The following MGAT4A variants were observed in gnomAD, a reference collection of about 807,000 sequenced individuals.
MGAT4A encodes the protein alpha-1,3-mannosyl-glycoprotein 4-beta-N-acetylglucosaminyltransferase A.
A neutral mutation model predicts 74.1 loss-of-function variants in MGAT4A; 33 were observed. That is an observed-to-expected ratio of 0.45 (90% CI 0.34 to 0.60). The LOEUF (loss-of-function observed/expected upper bound fraction) is 0.60, where lower values mean the gene tolerates loss of function less well. Among genes scored for constraint, MGAT4A ranks in the 20% least tolerant of loss-of-function variants. The pLI, the probability that MGAT4A is intolerant of heterozygous loss-of-function variation, is 0.02. For missense variants in MGAT4A, 479 were observed against 628.3 expected, an observed-to-expected ratio of 0.76 and a Z score of 2.54; for synonymous variants, 198 against 210.4, an observed-to-expected ratio of 0.94 and a Z score of 0.51.
chr2:98,660,332 C>A (rs1195834736), intron 5 of MGAT4A, among the ~76,000 whole-genome samples: 1 of 148,294 alleles, frequency 6.7e-6, no homozygotes. Context: ...TAATCCCTAT[C>A]AAAAAATTTA....
In MGAT4A at chr2:98,620,426, T is replaced by C. The variant is rs1370358004; in HGVS notation, c.*5140A>G. The C allele has an allele frequency of 1.3e-5, 2 of 152,246 alleles. No homozygotes were observed. Among genetic ancestry groups the C allele is most frequent in the Non-Finnish European group, 2.9e-5 (2 of 68,038 alleles). 9.4% of individuals were successfully genotyped at this position (152,246 alleles called of 1,614,324 possible). A position where few individuals can be genotyped will look rare whatever the true frequency, so the allele number is the denominator to read the frequency against. On this transcript the variant is annotated 3_prime_UTR_variant, in exon 16 of 16. Transcript: ENST00000393487. The stretch of plus-strand genomic sequence containing the variant: ...ACTCACATTTCTCATCTTCTGACAG[T>C]CTTAACCTCTCATTTTCTCTCTTTT...
intron 2 of MGAT4A, among the ~76,000 whole-genome samples, chr2:98,696,395 C>G (rs1410386452): frequency 6.6e-6 from 1 of 152,218 alleles, no homozygotes; most frequent in Non-Finnish European, 1.5e-5. Flanking sequence ...TGGCAACAGG[C>G]AGTTTTCCTA....
chr2:98,666,057 T>C (rs140792283), intron 4 of MGAT4A, among the ~76,000 whole-genome samples: 347 of 152,310 alleles, frequency 2.3e-3, no homozygotes, highest in African/African-American at 7.8e-3. Context: ...TTTTAAGAGA[T>C]TACCAAATTT....
chr2:98,641,331 G>T (rs1701405268), intron 10 of MGAT4A, among the ~76,000 whole-genome samples: 1 of 151,754 alleles, frequency 6.6e-6, no homozygotes, highest in South Asian at 2.1e-4. Flanking sequence ...GACCAGCCTG[G>T]CCAACGTGGT....
chr2:98,726,222 C>A lies in MGAT4A; in HGVS notation c.94+17G>T. The A allele has an allele frequency of 6.2e-7, 1 of 1,603,738 alleles. No individual in the cohort carries two copies. The highest frequency in any genetic ancestry group is 8.5e-7 in the Non-Finnish European group (1 of 1,171,492). On this transcript the variant is annotated intron_variant, in intron 2 of 15. Transcript: ENST00000393487. ...CCTAGTACATTTCATGCACATTTTC[C>A]GAGTCATTTTCCTTACCTTTCCCAT... is the stretch of plus-strand genomic sequence containing the variant.
At chr2:98,674,700 C>A (rs1175658230) in intron 4 of MGAT4A, among the ~76,000 whole-genome samples, 1 of 152,116 alleles carries the variant, frequency 6.6e-6, no homozygotes, top group Non-Finnish European at 1.5e-5. Flanking sequence ...TATGACATGA[C>A]CAAAAGAGCT....
At chr2:98,710,699 C>T (rs1285306824) in intron 2 of MGAT4A, among the ~76,000 whole-genome samples, 1 of 152,138 alleles carries the variant, frequency 6.6e-6, no homozygotes, top group Non-Finnish European at 1.5e-5. Flanking sequence ...TAGTCTTGAC[C>T]TCCGGAACTC....
In MGAT4A at chr2:98,675,032, T is replaced by G. The variant is rs376161399; in HGVS notation, c.403+3A>C. On this transcript the variant is annotated splice_donor_region_variant and intron_variant, in intron 4 of 15. Coordinates refer to ENST00000393487, the MANE Select transcript of MGAT4A (RefSeq NM_012214.3). ...ACTGCAGTAAGAAACAAAATAAACA[T>G]ACCTCCTGTTCTTCCGTTGCCAATC... 1.2e-6 allele frequency: 2 copies of G among 1,608,422 alleles called. No homozygotes were observed. The highest frequency in any genetic ancestry group is 1.7e-6 in the Non-Finnish European group (2 of 1,178,612).
intron 2 of MGAT4A, among the ~76,000 whole-genome samples, chr2:98,715,858 A>G (rs1283071512): frequency 6.6e-6 from 1 of 152,250 alleles, no homozygotes; most frequent in African/African-American, 2.4e-5. Context: ...AAGTATGATA[A>G]GAAACAGGAT....
chr2:98,681,508 C>G (rs1702059373), intron 2 of MGAT4A, among the ~76,000 whole-genome samples: 1 of 152,090 alleles, frequency 6.6e-6, no homozygotes, highest in Non-Finnish European at 1.5e-5. Context: ...AAGGGCAGAT[C>G]AGCATAAACA....
In MGAT4A at chr2:98,619,889, T is replaced by A. The variant is rs1379051017; in HGVS notation, c.*5677A>T. ...AAACAATCTTCATTTCAGAACAATT[T>A]TAGCACCACTTTTTTTTTTCCACAA... On this transcript the variant is annotated 3_prime_UTR_variant, in exon 16 of 16. Coordinates refer to ENST00000393487, the MANE Select transcript of MGAT4A (RefSeq NM_012214.3). 1.3e-5 allele frequency: 2 copies of A among 152,198 alleles called. No individual in the cohort carries two copies. 9.4% of individuals were successfully genotyped at this position (152,198 alleles called of 1,614,324 possible). A position where few individuals can be genotyped will look rare whatever the true frequency, so the allele number is the denominator to read the frequency against.
chr2:98,630,022 G>A (rs973474999), intron 14 of MGAT4A, among the ~76,000 whole-genome samples: 1 of 152,100 alleles, frequency 6.6e-6, no homozygotes, highest in Non-Finnish European at 1.5e-5. Flanking sequence ...CTCTACCCTG[G>A]GCGACAGAGC....
intron 2 of MGAT4A, among the ~76,000 whole-genome samples, chr2:98,714,731 G>A (rs1446755460): frequency 6.6e-6 from 1 of 152,088 alleles, no homozygotes; most frequent in Non-Finnish European, 1.5e-5. Context: ...AGGAAAAAAT[G>A]GCTCTAAAAA....
intron 4 of MGAT4A, among the ~76,000 whole-genome samples, chr2:98,668,272 A>T (rs1199586554): frequency 6.6e-6 from 1 of 152,194 alleles, no homozygotes; most frequent in Non-Finnish European, 1.5e-5. Context: ...GGCTGGGCCC[A>T]GGGTCCCTCT....
At chr2:98,630,015 T>C (rs1701205380) in intron 14 of MGAT4A, among the ~76,000 whole-genome samples, 2 of 152,176 alleles carry the variant, frequency 1.3e-5, no homozygotes, top group African/African-American at 4.8e-5. Flanking sequence ...CACTGCACTC[T>C]ACCCTGGGCG....
At chr2:98,644,485 CT>C in intron 9 of MGAT4A, among the ~76,000 whole-genome samples, 2 of 152,226 alleles carry the variant, frequency 1.3e-5, no homozygotes, top group South Asian at 4.1e-4. Flanking sequence ...TGGTTTTTGA[CT>C]TTTAAGTTTT....
At chr2:98,714,961 T>G (rs974333366) in intron 2 of MGAT4A, among the ~76,000 whole-genome samples, 5 of 152,064 alleles carry the variant, frequency 3.3e-5, no homozygotes, top group Non-Finnish European at 7.4e-5. Context: ...TAAAGGACCA[T>G]AACCCCAGAA....
chr2:98,711,375 A>G (rs1410538024), intron 2 of MGAT4A, among the ~76,000 whole-genome samples: 1 of 152,018 alleles, frequency 6.6e-6, no homozygotes, highest in African/African-American at 2.4e-5. Context: ...AATCCTGATC[A>G]CATTTGACAC....
In MGAT4A at chr2:98,620,357, TTG is replaced by T. The variant is rs1701043523; in HGVS notation, c.*5207_*5208del. On this transcript the variant is annotated 3_prime_UTR_variant, in exon 16 of 16. Coordinates refer to ENST00000393487, the MANE Select transcript of MGAT4A (RefSeq NM_012214.3). ...GAAAAGTTCCTTTTCTATAAAGGGA[TTG>T]GACTGGATAAAGTTCCCTTAAAACA... 3 of 152,204 alleles carry T rather than the reference TTG, an allele frequency of 2.0e-5. No individual in the cohort carries two copies. The highest frequency in any genetic ancestry group is 2.9e-5 in the Non-Finnish European group (2 of 68,034). 9.4% of individuals were successfully genotyped at this position (152,204 alleles called of 1,614,324 possible). A position where few individuals can be genotyped will look rare whatever the true frequency, so the allele number is the denominator to read the frequency against.
Sources: gnomAD v4.1 joint callset for allele counts (sites outside exome capture counted in the v4.1 genomes callset) on GRCh38, gnomAD v4.1.1 for gene constraint, MANE v1.5 for transcripts, NCBI Gene and HGNC (gene_info 2026-07-23, HGNC 2026-07-21) for gene names.